USP34: variants seen among roughly 807,000 people sequenced by gnomAD.
USP34 encodes ubiquitin specific peptidase 34, also known as ubiquitin carboxyl-terminal hydrolase 34.
USP34 carries 70 observed loss-of-function variants against 460.3 expected under a neutral mutation model. The observed-to-expected ratio is 0.15, with a 90% CI of 0.13 to 0.19. The LOEUF (loss-of-function observed/expected upper bound fraction) is 0.19, where lower values mean the gene tolerates loss of function less well. Ranked by LOEUF, USP34 falls within the 10% of genes least tolerant of loss-of-function variation. The probability of loss-of-function intolerance (pLI) is 1.00; values close to 1 mark genes in which losing one functional copy is unlikely to be tolerated. For missense variants in USP34, 3,985 were observed against 4,236.2 expected, an observed-to-expected ratio of 0.94 and a Z score of 1.65; for synonymous variants, 1,647 against 1,405.3, an observed-to-expected ratio of 1.17 and a Z score of -3.85.
intron 10 of USP34, among the ~76,000 whole-genome samples, chr2:61,357,981 A>G (rs375733023): frequency 2.4e-4 from 37 of 152,264 alleles, no homozygotes; most frequent in South Asian, 6.2e-4. Flanking sequence ...ACATGAGGTC[A>G]TAAGTTTGAG....
intron 29 of USP34, among the ~76,000 whole-genome samples, chr2:61,298,777 A>AT (rs1237393358): frequency 6.9e-6 from 1 of 145,804 alleles, no homozygotes; most frequent in Admixed American, 6.7e-5. Context: ...ATAATGATGG[A>AT]TTAAAAAAAA....
intron 2 of USP34, among the ~76,000 whole-genome samples, chr2:61,410,603 A>C (rs558784815): frequency 7.2e-5 from 11 of 152,088 alleles, no homozygotes; most frequent in Non-Finnish European, 1.2e-4. Flanking sequence ...TTCAGTCAAA[A>C]CCAGCTTGAA....
chr2:61,252,318 A>G (rs1688607226), intron 48 of USP34, among the ~76,000 whole-genome samples: 1 of 152,202 alleles, frequency 6.6e-6, no homozygotes, highest in East Asian at 1.9e-4. Context: ...TACCTACCCG[A>G]TACTATCTTT....
Position 61,325,476 on chromosome 2 carries a change from T to TA in USP34, c.2931-20dup. The TA allele has an allele frequency of 7.0e-7, 1 of 1,432,440 alleles. No homozygotes were observed. Among genetic ancestry groups the TA allele is most frequent in the Non-Finnish European group, 9.3e-7 (1 of 1,074,696 alleles). 88.7% of individuals were successfully genotyped at this position (1,432,440 alleles called of 1,614,324 possible). A position where few individuals can be genotyped will look rare whatever the true frequency, so the allele number is the denominator to read the frequency against. ...GCTGTACCTATAATTTAAAAGTCATTAAAATAATTAAATATCCTATTTCTT... is the reference window on the plus strand; with the variant it reads ...GCTGTACCTATAATTTAAAAGTCATTAAAAATAATTAAATATCCTATTTCTT... On this transcript the variant is annotated intron_variant, in intron 20 of 79. Coordinates refer to ENST00000398571, the MANE Select transcript of USP34 (RefSeq NM_014709.4).
At chr2:61,436,938 T>C (rs1030238754) in intron 1 of USP34, among the ~76,000 whole-genome samples, 2 of 152,208 alleles carry the variant, frequency 1.3e-5, no homozygotes, top group Non-Finnish European at 2.9e-5. Flanking sequence ...TGCTCCTGAA[T>C]GACCACTGGG....
At chr2:61,398,470 G>C in intron 3 of USP34, among the ~76,000 whole-genome samples, 1 of 141,454 alleles carries the variant, frequency 7.1e-6, no homozygotes, top group East Asian at 2.2e-4. Context: ...CGGAGAAGCG[G>C]GGGAAGGAGG....
rs770635884 is a variant in USP34 at position 61,296,803 on chromosome 2, C to T, written c.4251G>A (p.Glu1417=). The T allele has an allele frequency of 2.5e-6, 4 of 1,611,944 alleles. No individual in the cohort carries two copies. The highest frequency in any genetic ancestry group is 3.4e-6 in the Non-Finnish European group (4 of 1,179,202). The change falls in exon 30 of 80, where the codon GAG becomes GAA. Residue 1417 remains glutamate, a synonymous_variant. Transcript: ENST00000398571. ...MLMAFQNISD[E]QSNDGFNWKE... The stretch of plus-strand genomic sequence containing the variant: ...TAAAGAGATTTTGTGGGCTCACCTG[C>T]TCATCTGAGATATTCTGGAATGCCA...
At chr2:61,331,456 A>T (rs1002816759) in intron 19 of USP34, 85 bp from the exon 20 acceptor site, 4 of 1,067,980 alleles carry the variant, frequency 3.7e-6, no homozygotes, top group Non-Finnish European at 5.0e-6. Flanking sequence ...ATGCAAATCT[A>T]AAAAAAATCT....
In USP34 at chr2:61,284,874, C is replaced by T. The variant is rs1378880521; in HGVS notation, c.4832+1G>A. 6.2e-7 allele frequency: 1 copy of T among 1,605,922 alleles called. No homozygotes were observed. The highest frequency in any genetic ancestry group is 8.5e-7 in the Non-Finnish European group (1 of 1,175,924). On this transcript the variant is annotated splice_donor_variant, in intron 35 of 79. Transcript: ENST00000398571. LOFTEE classifies it high-confidence loss of function. ...CATAAAATATATCTTAAAATGCATA[C>T]CTAGGAGCCAGATTATCATACGTAT... is the stretch of plus-strand genomic sequence containing the variant.
At chr2:61,387,958 C>CACACACAT (rs879826315) in intron 5 of USP34, among the ~76,000 whole-genome samples, 1 of 129,684 alleles carries the variant, frequency 7.7e-6, no homozygotes, top group Non-Finnish European at 1.6e-5. Flanking sequence ...CACACACACA[C>CACACACAT]ATATATATAT....
chr2:61,263,210 C>T (rs561336927), intron 43 of USP34, among the ~76,000 whole-genome samples: 289 of 132,254 alleles, frequency 2.2e-3, no homozygotes, highest in African/African-American at 7.3e-3. Flanking sequence ...AGAGAAGTCT[C>T]GCTCTTGTCC....
chr2:61,430,061 A>G lies in USP34; in HGVS notation c.44-9228T>C, dbSNP rs113302422. 8.7e-3 allele frequency among the ~76,000 whole-genome samples: 1,325 copies of G among 152,166 alleles called. 20 individuals are homozygous for G. Among genetic ancestry groups the G allele is most frequent in the African/African-American group, 0.03 (1,260 of 41,510 alleles). Reference sequence around the variant, plus strand: ...ACCCCCCGTCTCTACTAAAAATACAAAAAATTAGCCGCGCGTGGTGGTGGG... The same window carrying G: ...ACCCCCCGTCTCTACTAAAAATACAGAAAATTAGCCGCGCGTGGTGGTGGG... On this transcript the variant is annotated intron_variant, in intron 1 of 79. Coordinates refer to ENST00000398571, the MANE Select transcript of USP34 (RefSeq NM_014709.4).
chr2:61,319,782 T>C (rs1004036660), intron 21 of USP34, among the ~76,000 whole-genome samples: 8 of 152,200 alleles, frequency 5.3e-5, no homozygotes, highest in Admixed American at 2.0e-4. Flanking sequence ...GAGGTGAAGG[T>C]TGCAGTGATA....
chr2:61,437,774 A>AAAATAAAT (rs61610795), intron 1 of USP34, among the ~76,000 whole-genome samples: 25,135 of 134,398 alleles, frequency 0.19, 2,522 homozygotes, highest in African/African-American at 0.2. Flanking sequence ...CTCCGTCTCA[A>AAAATAAAT]AAATAAATAA....
chr2:61,349,994 T>C (rs998899935), intron 12 of USP34, among the ~76,000 whole-genome samples: 7 of 151,886 alleles, frequency 4.6e-5, no homozygotes, highest in African/African-American at 1.5e-4. Context: ...GTTTACAAAA[T>C]GAAATCTCCA....
chr2:61,245,118 AAG>A, intron 51 of USP34, 90 bp downstream of exon 51: 1 of 858,192 alleles, frequency 1.2e-6, no homozygotes, highest in Non-Finnish European at 1.8e-6. Context: ...TAGCAATTAA[AAG>A]AAAGTTAAGC....
intron 3 of USP34, among the ~76,000 whole-genome samples, chr2:61,400,613 G>A (rs1164985138): frequency 1.3e-5 from 2 of 152,120 alleles, no homozygotes; most frequent in East Asian, 1.9e-4. Flanking sequence ...ACTTTGGGAG[G>A]CTGAGGCAGG....
At chr2:61,220,216 A>G (rs1307035852) in intron 67 of USP34, 94 bp downstream of exon 67, 1 of 1,068,146 alleles carries the variant, frequency 9.4e-7, no homozygotes, top group Non-Finnish European at 1.3e-6. Context: ...CGTAGTATAC[A>G]ACAATGGGCA....
rs540026422 is a variant in USP34 at position 61,413,169 on chromosome 2, G to A, written c.132-7041C>T. Among the ~76,000 whole-genome samples the A allele has an allele frequency of 3.5e-4, 53 of 152,204 alleles. 1 individual carries two copies. The South Asian group carries it at 8.5e-3, about 24-fold the overall frequency. The stretch of plus-strand genomic sequence containing the variant: ...CCAGCACTTTGGAAGGCTGAGGCGG[G>A]CAGATCAGGAGGTCAGGAGATTGAG... On this transcript the variant is annotated intron_variant, in intron 2 of 79. Transcript: ENST00000398571.
Sources: gnomAD v4.1 joint callset for allele counts (sites outside exome capture counted in the v4.1 genomes callset) on GRCh38, gnomAD v4.1.1 for gene constraint, MANE v1.5 for transcripts, NCBI Gene and HGNC (gene_info 2026-07-23, HGNC 2026-07-21) for gene names.